PPFIA2: variants seen among roughly 807,000 people sequenced by gnomAD.
PPFIA2 encodes PPFI scaffold protein A2.
PPFIA2 carries 46 observed loss-of-function variants against 175.5 expected under a neutral mutation model. The observed-to-expected ratio is 0.26, with a 90% CI of 0.21 to 0.34. PPFIA2 has a LOEUF of 0.34. PPFIA2 is among the 10% of genes least tolerant of loss of function. The pLI, the probability that PPFIA2 is intolerant of heterozygous loss-of-function variation, is 1.00. For synonymous variants in PPFIA2, 568 were observed against 511.4 expected (o/e 1.11, Z -1.49); for missense variants, 1,179 against 1,506.1 (o/e 0.78, Z 3.60).
At chr12:81,509,602 C>CTT (rs35297606) in intron 4 of PPFIA2, among the ~76,000 whole-genome samples, 2 of 142,262 alleles carry the variant, frequency 1.4e-5, no homozygotes, top group Non-Finnish European at 3.1e-5. Context: ...TCCACCTAAC[C>CTT]TTTTTTTTTT....
At chr12:81,521,578 G>A (rs183198482) in intron 4 of PPFIA2, among the ~76,000 whole-genome samples, 59 of 151,306 alleles carry the variant, frequency 3.9e-4, no homozygotes, top group Admixed American at 3.1e-3. Flanking sequence ...AGCACTTTGG[G>A]ACGCCGAGGC....
intron 8 of PPFIA2, among the ~76,000 whole-genome samples, chr12:81,401,663 G>C (rs959304472): frequency 1.3e-5 from 2 of 152,070 alleles, no homozygotes; most frequent in Non-Finnish European, 2.9e-5. Flanking sequence ...ATTCACATCA[G>C]TTAGCAAATA....
At chr12:81,680,020 G>A (rs2073309240) in intron 3 of PPFIA2, among the ~76,000 whole-genome samples, 2 of 151,914 alleles carry the variant, frequency 1.3e-5, no homozygotes, top group African/African-American at 2.4e-5. Flanking sequence ...TTTGGCAAAT[G>A]TGTCTATTTT....
At chr12:81,313,877 A>AT (rs1053332888) in intron 22 of PPFIA2, among the ~76,000 whole-genome samples, 2 of 152,014 alleles carry the variant, frequency 1.3e-5, no homozygotes, top group Non-Finnish European at 2.9e-5. Flanking sequence ...TTCCTTGATC[A>AT]TTTTTTAAAA....
At chr12:81,354,279 A>G (rs943548447) in intron 16 of PPFIA2, among the ~76,000 whole-genome samples, 3 of 152,228 alleles carry the variant, frequency 2.0e-5, no homozygotes, top group African/African-American at 7.2e-5. Context: ...AACCCAGAGT[A>G]GAACTTCTTT....
chr12:81,476,341 G>A (rs2057474613), intron 4 of PPFIA2, among the ~76,000 whole-genome samples: 2 of 152,272 alleles, frequency 1.3e-5, no homozygotes, highest in Middle Eastern at 3.4e-3. Flanking sequence ...GTCTAAAGCA[G>A]AAGTTGAATA....
chr12:81,399,005 G>C (rs2041671344), intron 8 of PPFIA2, among the ~76,000 whole-genome samples: 1 of 151,888 alleles, frequency 6.6e-6, no homozygotes, highest in African/African-American at 2.4e-5. Flanking sequence ...GGGAGCTTGT[G>C]TTTCATGAGA....
chr12:81,649,753 A>C (rs1247833384), intron 4 of PPFIA2, among the ~76,000 whole-genome samples: 1 of 152,222 alleles, frequency 6.6e-6, no homozygotes, highest in Non-Finnish European at 1.5e-5. Flanking sequence ...GCAAAACCAT[A>C]GAAGAATCTT....
intron 3 of PPFIA2, among the ~76,000 whole-genome samples, chr12:81,726,912 A>G (rs895852849): frequency 6.6e-6 from 1 of 151,294 alleles, no homozygotes; most frequent in Non-Finnish European, 1.5e-5. Flanking sequence ...TTTAGTTCCT[A>G]CTGCTTCAAG....
At chr12:81,683,372 C>G (rs913103839) in intron 3 of PPFIA2, among the ~76,000 whole-genome samples, 1 of 151,548 alleles carries the variant, frequency 6.6e-6, no homozygotes, top group Non-Finnish European at 1.5e-5. Context: ...ATATAGCTTT[C>G]TAACTGTTGT....
At chr12:81,521,747 G>C (rs1231116066) in intron 4 of PPFIA2, among the ~76,000 whole-genome samples, 1 of 151,566 alleles carries the variant, frequency 6.6e-6, no homozygotes, top group African/African-American at 2.4e-5. Flanking sequence ...GTGAACACGG[G>C]AGGCGGAGCT....
intron 9 of PPFIA2, among the ~76,000 whole-genome samples, chr12:81,381,702 C>T (rs151089352): frequency 6.6e-5 from 10 of 152,186 alleles, no homozygotes; most frequent in Non-Finnish European, 1.5e-4. Context: ...AGAAGAGATG[C>T]ATCCATGAAC....
intron 4 of PPFIA2, among the ~76,000 whole-genome samples, chr12:81,527,917 T>C (rs2063933092): frequency 6.6e-6 from 1 of 152,086 alleles, no homozygotes; most frequent in South Asian, 2.1e-4. Context: ...CACTTTGATC[T>C]TGGACTTCCT....
intron 4 of PPFIA2, among the ~76,000 whole-genome samples, chr12:81,579,838 A>C (rs1454881556): frequency 1.3e-5 from 2 of 151,842 alleles, no homozygotes; most frequent in Non-Finnish European, 2.9e-5. Context: ...TTGCATAGGC[A>C]TCACCTCAGA....
rs753756331 is a variant in PPFIA2 at position 81,325,839 on chromosome 12, C to A, written c.2580G>T (p.Gln860His). The A allele has an allele frequency of 1.9e-5, 30 of 1,612,700 alleles. No individual in the cohort carries two copies. The highest frequency in any genetic ancestry group is 2.5e-5 in the Non-Finnish European group (29 of 1,179,028). The stretch of plus-strand genomic sequence containing the variant: ...CGAGTTTGCCTAACCCCAGGGACTC[C>A]TGAGCTGCAGCTTCAGTCTCCATAA... ...RGFMETEAAA[Q>H]ESLGLGKLGT... is the part of the protein sequence containing the mutation. The change falls in exon 22 of 33, where the codon CAG becomes CAT. Residue 860 changes from glutamine (Q) to histidine (H), a missense_variant. Coordinates refer to ENST00000549396, the MANE Select transcript of PPFIA2 (RefSeq NM_003625.5).
intron 3 of PPFIA2, among the ~76,000 whole-genome samples, chr12:81,730,107 T>C (rs933197183): frequency 1.8e-4 from 27 of 151,624 alleles, no homozygotes; most frequent in African/African-American, 6.0e-4. Flanking sequence ...ACTAAATTTG[T>C]GATCACGTGT....
chr12:81,662,614 C>A (rs1027918303), intron 4 of PPFIA2, among the ~76,000 whole-genome samples: 3 of 152,132 alleles, frequency 2.0e-5, no homozygotes, highest in Admixed American at 6.5e-5. Context: ...CCGAATTCTA[C>A]CAGAGGTACA....
intron 4 of PPFIA2, among the ~76,000 whole-genome samples, chr12:81,572,724 C>T (rs1174606872): frequency 6.6e-6 from 1 of 151,936 alleles, no homozygotes; most frequent in Non-Finnish European, 1.5e-5. Flanking sequence ...TCCTGGTGCT[C>T]AGATCTGTTT....
At chr12:81,516,298 T>C (rs929680812) in intron 4 of PPFIA2, among the ~76,000 whole-genome samples, 1 of 152,150 alleles carries the variant, frequency 6.6e-6, no homozygotes, top group African/African-American at 2.4e-5. Context: ...AGATGTAATA[T>C]ATAATGTTCC....
Sources: allele counts gnomAD v4.1 joint callset (sites outside exome capture counted in the v4.1 genomes callset), GRCh38; gene constraint gnomAD v4.1.1; transcripts MANE v1.5; gene names NCBI Gene and HGNC (gene_info 2026-07-23, HGNC 2026-07-21).